Variants in MICU2 observed in about 807,000 individuals in gnomAD.
MICU2 encodes calcium uptake protein 2, mitochondrial.
In MICU2, 64 loss-of-function variants were observed where a neutral mutation model predicts 60.4. The observed-to-expected ratio is 1.06, with a 90% confidence interval of 0.87 to 1.31. MICU2 has a LOEUF of 1.31. MICU2 is among the 50% of genes most tolerant of loss of function. The pLI, the probability that MICU2 is intolerant of heterozygous loss-of-function variation, is 0.00. For synonymous variants in MICU2, 201 were observed against 175.0 expected (o/e 1.15, Z -1.17); for missense variants, 569 against 531.0 (o/e 1.07, Z -0.70).
chr13:21,584,792 C>T (rs1204650748), intron 1 of MICU2, among the ~76,000 whole-genome samples: 1 of 152,046 alleles, frequency 6.6e-6, no homozygotes, highest in Non-Finnish European at 1.5e-5. Context: ...ATAAATAAAA[C>T]ATTTAAATTC....
chr13:21,577,887 G>C (rs1468398384), intron 1 of MICU2, among the ~76,000 whole-genome samples: 1 of 151,322 alleles, frequency 6.6e-6, no homozygotes. Context: ...GCTGAGGCAG[G>C]AGGATCACTT....
chr13:21,505,067 C>T (rs184661228), intron 8 of MICU2, among the ~76,000 whole-genome samples: 19 of 152,158 alleles, frequency 1.2e-4, no homozygotes, highest in Middle Eastern at 3.4e-3. Context: ...TTTTTCCTGA[C>T]GAGAAGACTT....
At chr13:21,530,468 C>A (rs201883727) in intron 4 of MICU2, among the ~76,000 whole-genome samples, 16 of 147,666 alleles carry the variant, frequency 1.1e-4, no homozygotes, top group Admixed American at 1.3e-4. Context: ...AATTCTCCTT[C>A]AAAAAAAAAA....
intron 8 of MICU2, among the ~76,000 whole-genome samples, chr13:21,505,470 A>G (rs1886270451): frequency 6.6e-6 from 1 of 152,218 alleles, no homozygotes; most frequent in African/African-American, 2.4e-5. Context: ...CTGCTTTCAT[A>G]ACAATAAAAG....
intron 1 of MICU2, among the ~76,000 whole-genome samples, chr13:21,591,571 T>C (rs1185472107): frequency 6.6e-6 from 1 of 151,600 alleles, no homozygotes; most frequent in African/African-American, 2.4e-5. Flanking sequence ...CAACAGAATA[T>C]ACATTCTTCT....
intron 1 of MICU2, among the ~76,000 whole-genome samples, chr13:21,577,696 T>C (rs929143041): frequency 1.3e-5 from 2 of 151,318 alleles, no homozygotes; most frequent in African/African-American, 4.9e-5. Context: ...TCCCAGCTAC[T>C]TGGGAGGCTG....
intron 7 of MICU2, among the ~76,000 whole-genome samples, chr13:21,511,493 T>A (rs1886426436): frequency 6.6e-6 from 1 of 152,208 alleles, no homozygotes; most frequent in Admixed American, 6.5e-5. Context: ...ACTTTTTATT[T>A]TGGGATACCT....
chr13:21,587,118 G>A (rs117095826), intron 1 of MICU2, among the ~76,000 whole-genome samples: 204 of 152,286 alleles, frequency 1.3e-3, no homozygotes, highest in Admixed American at 2.2e-3. Flanking sequence ...TGCCAGGGAC[G>A]AGGGGAGGAG....
At chr13:21,513,654 C>T (rs1193535061) in intron 7 of MICU2, among the ~76,000 whole-genome samples, 7 of 135,648 alleles carry the variant, frequency 5.2e-5, no homozygotes, top group Admixed American at 2.6e-4. Flanking sequence ...GCAGGAGAAT[C>T]GCTTGAACTG....
intron 2 of MICU2, among the ~76,000 whole-genome samples, chr13:21,549,202 T>G (rs1322310958): frequency 6.6e-6 from 1 of 152,148 alleles, no homozygotes; most frequent in Non-Finnish European, 1.5e-5. Flanking sequence ...GTGCTGGGAT[T>G]ACAGGCGTGA....
intron 1 of MICU2, among the ~76,000 whole-genome samples, chr13:21,602,383 G>A (rs1469879962): frequency 1.3e-5 from 2 of 152,078 alleles, no homozygotes; most frequent in Non-Finnish European, 2.9e-5. Flanking sequence ...TTAGCCGGGC[G>A]CGATGGCGGG....
Position 21,539,705 on chromosome 13 carries a change from A to G in MICU2, c.359-17T>C. ...AAGTTTTACCTACAACAAATAAGAA[A>G]CATTATTTAGTATCCATATTCTTTG... On this transcript the variant is annotated splice_polypyrimidine_tract_variant and intron_variant, in intron 2 of 11. Coordinates refer to ENST00000382374, the MANE Select transcript of MICU2 (RefSeq NM_152726.3). The G allele has an allele frequency of 6.2e-7, 1 of 1,610,808 alleles. No homozygotes were observed. The highest frequency in any genetic ancestry group is 1.3e-5 in the African/African-American group (1 of 74,990).
intron 8 of MICU2, among the ~76,000 whole-genome samples, chr13:21,506,863 A>G (rs1476939343): frequency 6.6e-6 from 1 of 152,220 alleles, no homozygotes; most frequent in African/African-American, 2.4e-5. Context: ...TCAGTTAAAC[A>G]TGTTATAACA....
chr13:21,528,951 G>A (rs534947798), intron 4 of MICU2, among the ~76,000 whole-genome samples: 1 of 152,198 alleles, frequency 6.6e-6, no homozygotes. Context: ...AGGGAAGAGC[G>A]TGTGCAAAAG....
At chr13:21,532,883 G>C (rs1367569202) in intron 4 of MICU2, among the ~76,000 whole-genome samples, 1 of 152,080 alleles carries the variant, frequency 6.6e-6, no homozygotes, top group Non-Finnish European at 1.5e-5. Context: ...AGGGAATATG[G>C]GGGTAAAGGA....
chr13:21,593,058 G>T (rs1888617314), intron 1 of MICU2, among the ~76,000 whole-genome samples: 1 of 152,174 alleles, frequency 6.6e-6, no homozygotes. Flanking sequence ...ATTCGAATAG[G>T]AAGACAGGAA....
At chr13:21,557,413 A>G (rs1275226722) in intron 2 of MICU2, among the ~76,000 whole-genome samples, 1 of 152,174 alleles carries the variant, frequency 6.6e-6, no homozygotes, top group African/African-American at 2.4e-5. Context: ...TGCACAATGG[A>G]GGACTGAGGA....
At chr13:21,538,505 C>T (rs541039886) in intron 4 of MICU2, among the ~76,000 whole-genome samples, 9 of 133,692 alleles carry the variant, frequency 6.7e-5, no homozygotes, top group South Asian at 5.2e-4. Context: ...TTGACGCTGC[C>T]GGGAGCTATG....
chr13:21,527,534 A>G (rs1184169905), intron 4 of MICU2, among the ~76,000 whole-genome samples: 1 of 152,250 alleles, frequency 6.6e-6, no homozygotes, highest in Non-Finnish European at 1.5e-5. Context: ...GGTTACAAAT[A>G]AACAAGGTAG....
Sources: gnomAD v4.1 joint callset for allele counts (sites outside exome capture counted in the v4.1 genomes callset) on GRCh38, gnomAD v4.1.1 for gene constraint, MANE v1.5 for transcripts, NCBI Gene and HGNC (gene_info 2026-07-23, HGNC 2026-07-21) for gene names.